RGS7: variants seen among roughly 807,000 people sequenced by gnomAD.
RGS7 encodes regulator of G-protein signaling 7.
A neutral mutation model predicts 81.1 loss-of-function variants in RGS7; 27 were observed. The ratio of observed to expected loss-of-function variants is 0.33; its 90% CI spans 0.25 to 0.46. The LOEUF (loss-of-function observed/expected upper bound fraction) is 0.46. Ranked by LOEUF, RGS7 falls within the 20% of genes least tolerant of loss-of-function variation. The probability of loss-of-function intolerance (pLI) is 1.00; values close to 1 mark genes in which losing one functional copy is unlikely to be tolerated. For missense variants in RGS7, 396 were observed against 607.4 expected (o/e 0.65, Z 3.66); for synonymous variants, 208 against 207.7 (o/e 1.00, Z -0.01).
At chr1:241,138,622 G>A (rs2067698188) in intron 2 of RGS7, among the ~76,000 whole-genome samples, 1 of 152,176 alleles carries the variant, frequency 6.6e-6, no homozygotes, top group South Asian at 2.1e-4. Context: ...TAAGGTGATT[G>A]CGTAGCCGGT....
chr1:241,063,854 A>G (rs111667001), intron 3 of RGS7, among the ~76,000 whole-genome samples: 3,882 of 152,246 alleles, frequency 0.025, 147 homozygotes, highest in African/African-American at 0.076. Flanking sequence ...AATGTAGAGG[A>G]TCTTGTCAGG....
chr1:240,790,015 T>C (rs1685715054), intron 18 of RGS7, among the ~76,000 whole-genome samples: 1 of 152,176 alleles, frequency 6.6e-6, no homozygotes, highest in Non-Finnish European at 1.5e-5. Flanking sequence ...TTGTACTCTG[T>C]CCCTTTATTT....
At chr1:240,862,923 ATATGTGTG>A (rs1662488067) in intron 9 of RGS7, among the ~76,000 whole-genome samples, 1 of 141,992 alleles carries the variant, frequency 7.0e-6, no homozygotes, top group African/African-American at 3.1e-5. Flanking sequence ...TGTAAACTAA[ATATGTGTG>A]TGTGTGTGTG....
chr1:241,182,960 T>C (rs2071769030), intron 2 of RGS7, among the ~76,000 whole-genome samples: 1 of 151,592 alleles, frequency 6.6e-6, no homozygotes. Flanking sequence ...TTTTTTTTCT[T>C]AAAGAAAGAA....
At chr1:241,079,361 T>C (rs1469635524) in intron 3 of RGS7, among the ~76,000 whole-genome samples, 1 of 152,154 alleles carries the variant, frequency 6.6e-6, no homozygotes, top group Non-Finnish European at 1.5e-5. Context: ...AAATGAGAGA[T>C]TATTCTTGTA....
chr1:241,158,112 C>T (rs1483343685), intron 2 of RGS7, among the ~76,000 whole-genome samples: 1 of 152,084 alleles, frequency 6.6e-6, no homozygotes, highest in Non-Finnish European at 1.5e-5. Flanking sequence ...AGCCACCACG[C>T]CTGTCCCCAT....
chr1:240,999,418 C>A (rs1247913563), intron 3 of RGS7, among the ~76,000 whole-genome samples: 1 of 151,988 alleles, frequency 6.6e-6, no homozygotes, highest in Non-Finnish European at 1.5e-5. Context: ...AGAAAGTTTA[C>A]GAATTGCTTT....
At chr1:241,276,203 T>C (rs1021126944) in intron 2 of RGS7, among the ~76,000 whole-genome samples, 8 of 152,210 alleles carry the variant, frequency 5.3e-5, no homozygotes, top group Non-Finnish European at 1.0e-4. Flanking sequence ...AGTCAGACTT[T>C]AGGAGATCAG....
rs1273742556 is a variant in RGS7, at chr1:241,144,685, T to C, written c.79-45923A>G. ...AAGATAGCATGGAGGGATGCTAAAC[T>C]TGGTATTTGAAATCTGTTTTTCCTC... On this transcript the variant is annotated intron_variant, in intron 2 of 18. Coordinates refer to ENST00000440928, the MANE Select transcript of RGS7 (RefSeq NM_001364886.1). This position sits in a 1 kb window ranked among gnomAD's most constrained non-coding sequence, Gnocchi z 4.7. 6.6e-6 allele frequency among the ~76,000 whole-genome samples: 1 copy of C among 152,140 alleles called. No homozygotes were observed. Among genetic ancestry groups the C allele is most frequent in the Non-Finnish European group, 1.5e-5 (1 of 68,026 alleles).
intron 2 of RGS7, among the ~76,000 whole-genome samples, chr1:241,324,902 A>C (rs900118677): frequency 2.0e-5 from 3 of 152,210 alleles, no homozygotes; most frequent in Non-Finnish European, 4.4e-5. Context: ...TTGGTCATAG[A>C]GTATTCTGTA....
rs1220537652 is a variant in RGS7 at position 240,795,507 on chromosome 1, G to GAT, written c.*6+5132_*6+5133dup. ...TAAAGATACAAAAGAGATAAAAAGA[G>GAT]ATAAATGGATACCTCTTCCCTTGTA... is the stretch of plus-strand genomic sequence containing the variant. On this transcript the variant is annotated intron_variant, in intron 18 of 18. Transcript: ENST00000440928. Among the ~76,000 whole-genome samples the GAT allele has an allele frequency of 9.2e-5, 14 of 152,236 alleles. No homozygotes were observed. In the East Asian group the frequency reaches 2.7e-3, roughly 29 times the overall value.
chr1:240,913,572 TTTG>T (rs1249639985), intron 6 of RGS7, among the ~76,000 whole-genome samples: 5 of 152,170 alleles, frequency 3.3e-5, no homozygotes, highest in Non-Finnish European at 7.3e-5. Flanking sequence ...GTAAATGGGT[TTTG>T]TTGTTGTTCG....
intron 2 of RGS7, among the ~76,000 whole-genome samples, chr1:241,261,190 G>A (rs915998890): frequency 3.3e-5 from 5 of 152,128 alleles, no homozygotes; most frequent in African/African-American, 4.8e-5. Flanking sequence ...GATTAGGACA[G>A]GCACTGGGGA....
At chr1:241,281,336 T>C (rs1163005036) in intron 2 of RGS7, among the ~76,000 whole-genome samples, 1 of 152,272 alleles carries the variant, frequency 6.6e-6, no homozygotes, top group Non-Finnish European at 1.5e-5. Context: ...CTGTTGCTAT[T>C]GTGGTGAGCT....
rs1288141243 is a variant in RGS7, at chr1:240,868,092, GA to G, written c.609+494del. Reference sequence around the variant, plus strand: ...GAGAAAAGAAAGAAAGAAAAAGAAAGAAAAGAAAAAGAAAGAAAAGAAAAGG... The same window carrying G: ...GAGAAAAGAAAGAAAGAAAAAGAAAGAAAGAAAAAGAAAGAAAAGAAAAGG... On this transcript the variant is annotated intron_variant, in intron 9 of 18. Transcript: ENST00000440928. The surrounding 1 kb of genome is among the most constrained non-coding windows in gnomAD (Gnocchi z 5.1). Among the ~76,000 whole-genome samples, 8 of 130,580 alleles carry G rather than the reference GA, an allele frequency of 6.1e-5. No homozygotes were observed. Among genetic ancestry groups the G allele is most frequent in the African/African-American group, 1.7e-4 (6 of 34,288 alleles). 85.7% of individuals were successfully genotyped at this position (130,580 alleles called of 152,430 possible). A position where few individuals can be genotyped will look rare whatever the true frequency, so the allele number is the denominator to read the frequency against.
chr1:241,047,202 C>G lies in RGS7; in HGVS notation c.175+51464G>C, dbSNP rs1366121430. Among the ~76,000 whole-genome samples, 4 of 152,170 alleles carry G rather than the reference C, an allele frequency of 2.6e-5. No individual in the cohort carries two copies. The East Asian group carries it at 7.7e-4, about 29-fold the overall frequency. Reference sequence around the variant, plus strand: ...ACGTATCTCCGTAGTTGCTCCCAACCAATGATGAAGCACAGCCCAGTGACT... The same window carrying G: ...ACGTATCTCCGTAGTTGCTCCCAACGAATGATGAAGCACAGCCCAGTGACT... On this transcript the variant is annotated intron_variant, in intron 3 of 18. Coordinates refer to ENST00000440928, the MANE Select transcript of RGS7 (RefSeq NM_001364886.1).
At chr1:241,044,102 T>C (rs1460125173) in intron 3 of RGS7, among the ~76,000 whole-genome samples, 1 of 141,728 alleles carries the variant, frequency 7.1e-6, no homozygotes, top group Non-Finnish European at 1.5e-5. Flanking sequence ...TCTTTCTTTT[T>C]GTTTTTTTTG....
At chr1:241,211,294 C>T (rs985281305) in intron 2 of RGS7, among the ~76,000 whole-genome samples, 1 of 152,108 alleles carries the variant, frequency 6.6e-6, no homozygotes, top group African/African-American at 2.4e-5. Context: ...CCCCTGCCCA[C>T]CCAGACTCCA....
chr1:241,176,629 A>G (rs2071167232), intron 2 of RGS7, among the ~76,000 whole-genome samples: 1 of 152,168 alleles, frequency 6.6e-6, no homozygotes, highest in Non-Finnish European at 1.5e-5. Flanking sequence ...ATATTTTTAC[A>G]TAAAGATGCT....
Sources: gnomAD v4.1 joint callset for allele counts (sites outside exome capture counted in the v4.1 genomes callset) on GRCh38, gnomAD v4.1.1 for gene constraint, Gnocchi (gnomAD v3.1) non-coding constraint, MANE v1.5 for transcripts, NCBI Gene and HGNC (gene_info 2026-07-23, HGNC 2026-07-21) for gene names.